CAGE1: variants seen among roughly 807,000 people sequenced by gnomAD.
CAGE1 encodes the protein cancer-associated gene 1 protein.
In CAGE1, 66 loss-of-function variants were observed where a neutral mutation model predicts 94.9. That is an observed-to-expected ratio of 0.70 (90% CI 0.57 to 0.85). The LOEUF is 0.85. CAGE1 is among the 40% of genes least tolerant of loss of function. CAGE1 has a pLI of 0.00. For synonymous variants in CAGE1, 319 were observed against 321.0 expected, an observed-to-expected ratio of 0.99 and a Z score of 0.07; for missense variants, 865 against 950.4, an observed-to-expected ratio of 0.91 and a Z score of 1.18.
chr6:7,385,642 T>G, intron 3 of CAGE1, 143 bp downstream of exon 3: 1 of 435,802 alleles, frequency 2.3e-6, no homozygotes, highest in Non-Finnish European at 4.0e-6. Flanking sequence ...TTTTTTAAAA[T>G]TCTTATTTCA....
rs1554136906 is a variant in CAGE1 at position 7,343,198 on chromosome 6, AAAAAG to A, written c.2370-9113_2370-9109del. Reference sequence around the variant, plus strand: ...TGCGAGACTCTGTCCCACAAAAAAAAAAAAGAAAAGAAAAGAAAAGAAAAAGAAGT... The same window carrying A: ...TGCGAGACTCTGTCCCACAAAAAAAAAAAAGAAAAGAAAAGAAAAAGAAGT... On this transcript the variant is annotated intron_variant, in intron 11 of 13. Coordinates refer to ENST00000502583, the MANE Select transcript of CAGE1 (RefSeq NM_001170692.2). 1.4e-3 allele frequency among the ~76,000 whole-genome samples: 193 copies of A among 137,344 alleles called. 1 individual carries two copies. The highest frequency in any genetic ancestry group is 0.013 in the South Asian group (58 of 4,410). The allele number at this position is 137,344 out of a possible 152,430, so 90.1% of individuals were successfully genotyped here. A position where few individuals can be genotyped will look rare whatever the true frequency, so the allele number is the denominator to read the frequency against.
Position 7,358,045 on chromosome 6 carries a change from T to G in CAGE1, c.2194-1916A>C, listed in dbSNP as rs1291843358. ...GTTTTGAGATATATATATATATATATATATATATATATATATATATATATA... is the reference window on the plus strand; with the variant it reads ...GTTTTGAGATATATATATATATATAGATATATATATATATATATATATATA... On this transcript the variant is annotated intron_variant, in intron 9 of 13. Transcript: ENST00000502583. 3.3e-4 allele frequency among the ~76,000 whole-genome samples: 36 copies of G among 109,388 alleles called. 5 individuals are homozygous for G. Among genetic ancestry groups the G allele is most frequent in the African/African-American group, 1.3e-3 (31 of 23,406 alleles). The allele number at this position is 109,388 out of a possible 152,430, so 71.8% of individuals were successfully genotyped here.
chr6:7,327,852 C>T (rs751493324), intron 13 of CAGE1, among the ~76,000 whole-genome samples: 1 of 152,104 alleles, frequency 6.6e-6, no homozygotes, highest in Non-Finnish European at 1.5e-5. Context: ...ATCACTTGAA[C>T]CCCGGAAGTG....
intron 9 of CAGE1, among the ~76,000 whole-genome samples, chr6:7,358,208 C>T (rs576087783): frequency 6.6e-6 from 1 of 151,336 alleles, no homozygotes; most frequent in Non-Finnish European, 1.5e-5. Context: ...CTGCCAGTCC[C>T]AGGCAAACAC....
intron 7 of CAGE1, 142 bp downstream of exon 7, chr6:7,368,546 G>A (rs1223316956): frequency 2.0e-6 from 1 of 494,134 alleles, no homozygotes; most frequent in African/African-American, 2.0e-5. Flanking sequence ...TATCTCTTTA[G>A]TGAGGGGCAC....
At chr6:7,333,644 A>C (rs1389484119) in intron 12 of CAGE1, among the ~76,000 whole-genome samples, 1 of 39,672 alleles carries the variant, frequency 2.5e-5, no homozygotes, top group Non-Finnish European at 4.5e-5. Context: ...CTAACTATCT[A>C]TATATATATA....
chr6:7,379,689 T>C (rs1760868582), intron 3 of CAGE1, among the ~76,000 whole-genome samples: 1 of 152,234 alleles, frequency 6.6e-6, no homozygotes, highest in South Asian at 2.1e-4. Flanking sequence ...ACCAGTGTAC[T>C]GAAGCCCATA....
intron 3 of CAGE1, among the ~76,000 whole-genome samples, chr6:7,385,204 C>T (rs1164520198): frequency 6.6e-6 from 1 of 152,022 alleles, no homozygotes; most frequent in Non-Finnish European, 1.5e-5. Flanking sequence ...GGGGTTTCTC[C>T]ATGTTGGTCA....
At chr6:7,354,543 G>A (rs528765422) in intron 11 of CAGE1, among the ~76,000 whole-genome samples, 1 of 152,238 alleles carries the variant, frequency 6.6e-6, no homozygotes, top group Admixed American at 6.5e-5. Flanking sequence ...GAAATTGGGG[G>A]AAGGATGGAA....
intron 11 of CAGE1, among the ~76,000 whole-genome samples, chr6:7,354,325 T>C (rs530655157): frequency 6.6e-6 from 1 of 152,298 alleles, no homozygotes; most frequent in East Asian, 1.9e-4. Flanking sequence ...CTTGCCTGCA[T>C]TAGTTTGAAA....
At chr6:7,335,332 C>T (rs550666252) in intron 11 of CAGE1, among the ~76,000 whole-genome samples, 2 of 152,280 alleles carry the variant, frequency 1.3e-5, no homozygotes, top group African/African-American at 4.8e-5. Context: ...CATTCCTCGG[C>T]CTACTATAAA....
chr6:7,388,022 G>T (rs1761184939), intron 1 of CAGE1, among the ~76,000 whole-genome samples: 1 of 106,082 alleles, frequency 9.4e-6, no homozygotes, highest in African/African-American at 3.6e-5. Flanking sequence ...GACAGAGCAA[G>T]ACTCCATCTC....
chr6:7,363,937 CA>C (rs1760243771), intron 9 of CAGE1, among the ~76,000 whole-genome samples: 1 of 152,154 alleles, frequency 6.6e-6, no homozygotes, highest in Non-Finnish European at 1.5e-5. Flanking sequence ...TTACATTCTT[CA>C]ATAAAGAACT....
chr6:7,343,275 T>C (rs973299742), intron 11 of CAGE1, among the ~76,000 whole-genome samples: 64 of 151,898 alleles, frequency 4.2e-4, no homozygotes, highest in African/African-American at 1.5e-3. Flanking sequence ...GCAGTACTAA[T>C]GTTGTTTTTA....
intron 3 of CAGE1, among the ~76,000 whole-genome samples, chr6:7,380,434 C>T (rs1334224098): frequency 6.6e-6 from 1 of 152,024 alleles, no homozygotes; most frequent in Non-Finnish European, 1.5e-5. Flanking sequence ...GTCAGGAATT[C>T]GAGACCAGCC....
intron 11 of CAGE1, among the ~76,000 whole-genome samples, chr6:7,350,527 T>TTTAAG (rs1759733782): frequency 6.6e-6 from 1 of 152,166 alleles, no homozygotes; most frequent in Admixed American, 6.5e-5. Flanking sequence ...CGAGCCTCAA[T>TTTAAG]AAATTTAAGA....
intron 1 of CAGE1, among the ~76,000 whole-genome samples, chr6:7,388,599 T>A (rs1330995374): frequency 1.2e-4 from 19 of 152,232 alleles, no homozygotes. Context: ...AAAACCTGCA[T>A]TCCAATGACT....
At position 7,339,161 on chromosome 6, in the gene CAGE1, G is replaced by C. The variant is rs368609371; in HGVS notation, c.2370-5071C>G. 1 of 1,515,868 alleles carries C rather than the reference G, an allele frequency of 6.6e-7. No individual in the cohort carries two copies. The highest frequency in any genetic ancestry group is 9.2e-7 in the Non-Finnish European group (1 of 1,091,950). 93.9% of individuals were successfully genotyped at this position (1,515,868 alleles called of 1,614,324 possible). A position where few individuals can be genotyped will look rare whatever the true frequency, so the allele number is the denominator to read the frequency against. On this transcript the variant is annotated intron_variant, in intron 11 of 13. Coordinates refer to ENST00000502583, the MANE Select transcript of CAGE1 (RefSeq NM_001170692.2). This position sits in a 1 kb window ranked among gnomAD's most constrained non-coding sequence, Gnocchi z 4.7. Reference sequence around the variant, plus strand: ...GTCCTCAGAGTTTCCCAGACACCACGACCTCACAGCCTTTGGCCCCAGTTT... The same window carrying C: ...GTCCTCAGAGTTTCCCAGACACCACCACCTCACAGCCTTTGGCCCCAGTTT...
chr6:7,387,235 A>T, intron 1 of CAGE1, 39 bp from the exon 2 acceptor site: 1 of 1,242,682 alleles, frequency 8.0e-7, no homozygotes, highest in South Asian at 1.4e-5. Context: ...GGTATAAACA[A>T]AAAGTTTTTT....
Sources: allele counts gnomAD v4.1 joint callset (sites outside exome capture counted in the v4.1 genomes callset), GRCh38; gene constraint gnomAD v4.1.1; non-coding constraint Gnocchi (gnomAD v3.1); transcripts MANE v1.5; gene names NCBI Gene and HGNC (gene_info 2026-07-23, HGNC 2026-07-21).